HSD17B4: variants seen among roughly 807,000 people sequenced by gnomAD.
HSD17B4 encodes the protein peroxisomal multifunctional enzyme type 2.
HSD17B4 carries 70 observed loss-of-function variants against 101.0 expected under a neutral mutation model. That is an observed-to-expected ratio of 0.69 (90% CI 0.57 to 0.85). The LOEUF (loss-of-function observed/expected upper bound fraction) is 0.85. Ranked by LOEUF, HSD17B4 falls within the 40% of genes least tolerant of loss-of-function variation. HSD17B4 has a pLI of 0.00. For synonymous variants in HSD17B4, 347 were observed against 297.1 expected (o/e 1.17, Z -1.73); for missense variants, 984 against 892.4 (o/e 1.10, Z -1.31).
intron 2 of HSD17B4, among the ~76,000 whole-genome samples, chr5:119,467,397 C>T (rs1180975707): frequency 6.6e-6 from 1 of 152,168 alleles, no homozygotes; most frequent in Non-Finnish European, 1.5e-5. Flanking sequence ...TATTGAAGTT[C>T]CCAACTATTA....
intron 19 of HSD17B4, among the ~76,000 whole-genome samples, chr5:119,526,863 T>C (rs1340425058): frequency 6.6e-6 from 1 of 152,030 alleles, no homozygotes; most frequent in Non-Finnish European, 1.5e-5. Flanking sequence ...CTAATATGAT[T>C]ATGGTTTTAT....
At chr5:119,532,109 A>T (rs1412954121) in intron 22 of HSD17B4, among the ~76,000 whole-genome samples, 1 of 152,166 alleles carries the variant, frequency 6.6e-6, no homozygotes, top group African/African-American at 2.4e-5. Flanking sequence ...TGTAACTCAC[A>T]TCCTTAATCA....
At chr5:119,475,136 T>C (rs1461853617) in intron 4 of HSD17B4, among the ~76,000 whole-genome samples, 6 of 152,146 alleles carry the variant, frequency 3.9e-5, no homozygotes. Context: ...ATAAGAACCA[T>C]GTTCACATAT....
intron 12 of HSD17B4, among the ~76,000 whole-genome samples, chr5:119,498,168 G>T (rs1473188935): frequency 6.6e-6 from 1 of 152,132 alleles, no homozygotes; most frequent in African/African-American, 2.4e-5. Context: ...AGATTCTGTT[G>T]TTTTGTAACC....
chr5:119,516,945 A>C (rs755808484), intron 17 of HSD17B4, among the ~76,000 whole-genome samples: 3 of 152,268 alleles, frequency 2.0e-5, no homozygotes, highest in Non-Finnish European at 2.9e-5. Flanking sequence ...GCGTGCTGGC[A>C]GTCCTCACAG....
chr5:119,501,662 G>A (rs996632361), intron 13 of HSD17B4, among the ~76,000 whole-genome samples: 1 of 152,048 alleles, frequency 6.6e-6, no homozygotes, highest in Non-Finnish European at 1.5e-5. Flanking sequence ...TACTAGCACT[G>A]GCGCATTTGT....
chr5:119,463,881 G>A (rs1278944211), intron 2 of HSD17B4, among the ~76,000 whole-genome samples: 1 of 151,730 alleles, frequency 6.6e-6, no homozygotes. Context: ...ATGTTGGCCA[G>A]GCTGGTCTCA....
Position 119,541,963 on chromosome 5 carries a change from A to T in HSD17B4, c.2180A>T (p.Gln727Leu). The T allele has an allele frequency of 6.2e-7, 1 of 1,613,042 alleles. No homozygotes were observed. The highest frequency in any genetic ancestry group is 1.3e-5 in the African/African-American group (1 of 74,986). ...AACATCATGCTGAGCCAGAAACTTC[A>T]GATGATTCTTAAAGACTACGCCAAG... ...RGNIMLSQKL[Q>L]MILKDYAKL Residue 727 changes from glutamine to leucine, a missense_variant, in exon 24 of 24, where the codon CAG (glutamine) becomes CTG (leucine). By Grantham distance (113) the Gln-to-Leu change is moderately radical. Coordinates refer to ENST00000510025, the MANE Select transcript of HSD17B4 (RefSeq NM_000414.4).
intron 2 of HSD17B4, among the ~76,000 whole-genome samples, chr5:119,464,933 T>A (rs1314855414): frequency 1.3e-5 from 2 of 152,170 alleles, no homozygotes; most frequent in Non-Finnish European, 2.9e-5. Flanking sequence ...TGAAGTCAAG[T>A]AGTGTGATAC....
intron 1 of HSD17B4, among the ~76,000 whole-genome samples, chr5:119,455,175 A>G (rs1754485596): frequency 6.6e-6 from 1 of 152,136 alleles, no homozygotes; most frequent in Non-Finnish European, 1.5e-5. Flanking sequence ...GTAACCACTA[A>G]TTGCCAGTTT....
chr5:119,452,948 T>G (rs1320252447), intron 1 of HSD17B4: 1 of 1,086,570 alleles, frequency 9.2e-7, no homozygotes, highest in Non-Finnish European at 1.3e-6. Flanking sequence ...TCTGTGGGCA[T>G]CGATTGTTAC....
At chr5:119,512,807 T>C (rs533822531) in intron 16 of HSD17B4, among the ~76,000 whole-genome samples, 1 of 152,322 alleles carries the variant, frequency 6.6e-6, no homozygotes, top group African/African-American at 2.4e-5. Context: ...AGGTTAGATG[T>C]TGCCAAGGGC....
At chr5:119,510,359 G>T (rs1261999968) in intron 16 of HSD17B4, among the ~76,000 whole-genome samples, 1 of 152,030 alleles carries the variant, frequency 6.6e-6, no homozygotes, top group African/African-American at 2.4e-5. Context: ...GATAATTCTG[G>T]TTATTCTTTT....
intron 4 of HSD17B4, 95 bp from the exon 5 acceptor site, chr5:119,475,611 T>TA (rs1304199916): frequency 9.9e-7 from 1 of 1,008,240 alleles, no homozygotes. Flanking sequence ...TTTTCATGGT[T>TA]AAAAAACGCC....
intron 2 of HSD17B4, among the ~76,000 whole-genome samples, chr5:119,466,176 ATTATC>A (rs1159898617): frequency 2.6e-5 from 4 of 152,116 alleles, no homozygotes; most frequent in Non-Finnish European, 5.9e-5. Flanking sequence ...ATTGTGATAT[ATTATC>A]TTCTAATTGG....
intron 2 of HSD17B4, among the ~76,000 whole-genome samples, chr5:119,473,071 G>T (rs925908571): frequency 6.6e-6 from 1 of 151,968 alleles, no homozygotes; most frequent in Admixed American, 6.6e-5. Context: ...ATTGTGAATT[G>T]TGTTGCAGTG....
rs546975744 is a variant in HSD17B4 at position 119,500,339 on chromosome 5, T to A, written c.1209+786T>A. 3.9e-5 allele frequency among the ~76,000 whole-genome samples: 6 copies of A among 151,914 alleles called. No individual in the cohort carries two copies. In the South Asian group the frequency reaches 1.2e-3, roughly 32 times the overall value. On this transcript the variant is annotated intron_variant, in intron 13 of 23. Transcript: ENST00000510025. ...AGAGAGATGGGTGCATATATATACA[T>A]TGTATATAGTTATACATTGTATATA...
At chr5:119,471,148 A>T (rs1481212660) in intron 2 of HSD17B4, among the ~76,000 whole-genome samples, 1 of 152,204 alleles carries the variant, frequency 6.6e-6, no homozygotes, top group Non-Finnish European at 1.5e-5. Flanking sequence ...AAAGACTGTT[A>T]ACTGTCTTAA....
At position 119,478,956 on chromosome 5, in the gene HSD17B4, A is replaced by G. The variant is rs1339819940; in HGVS notation, c.557A>G (p.Asn186Ser). 6.2e-7 allele frequency: 1 copy of G among 1,613,744 alleles called. No homozygotes were observed. ...NSLAIEGRKS[N>S]IHCNTIAPNA... ...CTTGCAATTGAAGGCAGGAAAAGCA[A>G]CATTCATTGTAACACCATTGCTCCT... Residue 186 changes from asparagine (N) to serine (S), a missense_variant, in exon 8 of 24, where the codon AAC (asparagine) becomes AGC (serine). Asn to Ser is a conservative substitution (Grantham distance 46). Transcript: ENST00000510025.
Sources: gnomAD v4.1 joint callset for allele counts (sites outside exome capture counted in the v4.1 genomes callset) on GRCh38, gnomAD v4.1.1 for gene constraint, MANE v1.5 for transcripts, NCBI Gene and HGNC (gene_info 2026-07-23, HGNC 2026-07-21) for gene names.